The following KRT2 variants were observed in gnomAD, a reference collection of about 807,000 sequenced individuals.
The protein encoded by KRT2 is keratin 2, also known as keratin, type II cytoskeletal 2 epidermal.
In KRT2, 37 loss-of-function variants were observed where a neutral mutation model predicts 48.5. The observed-to-expected ratio is 0.76, with a 90% confidence interval of 0.59 to 1.00. The LOEUF is 1.00. Ranked by LOEUF, KRT2 falls within the 50% of genes least tolerant of loss-of-function variation. The probability of loss-of-function intolerance (pLI) is 0.00; values close to 1 mark genes in which losing one functional copy is unlikely to be tolerated. For synonymous variants in KRT2, 324 were observed against 312.2 expected (o/e 1.04, Z -0.40); for missense variants, 880 against 815.2 (o/e 1.08, Z -0.97).
chr12:52,646,306 T>C (rs1941160358), intron 7 of KRT2, among the ~76,000 whole-genome samples: 1 of 152,198 alleles, frequency 6.6e-6, no homozygotes, highest in South Asian at 2.1e-4. Context: ...GAACTGGGGC[T>C]GGCACCTGCT....
Position 52,647,721 on chromosome 12 carries a change from G to T in KRT2, c.1248+9C>A. 4 of 1,613,534 alleles carry T rather than the reference G, an allele frequency of 2.5e-6. No homozygotes were observed. Among genetic ancestry groups the T allele is most frequent in the Non-Finnish European group, 3.4e-6 (4 of 1,179,792 alleles). On this transcript the variant is annotated intron_variant, in intron 6 of 8. Coordinates refer to ENST00000309680, the MANE Select transcript of KRT2 (RefSeq NM_000423.3). ...CTCCCGCCCCTCGCTGGACAGGGCT[G>T]GGCCTCACCTGCTTCTTCACATGTG... is the stretch of plus-strand genomic sequence containing the variant.
chr12:52,648,437 C>G, intron 4 of KRT2, 100 bp from the exon 5 acceptor site: 1 of 969,088 alleles, frequency 1.0e-6, no homozygotes, highest in Non-Finnish European at 1.7e-6. Flanking sequence ...GACCCTCAGA[C>G]TAAGCATACA....
intron 2 of KRT2, 104 bp downstream of exon 2, chr12:52,650,230 TCCCCA>T: frequency 2.1e-6 from 2 of 948,512 alleles, no homozygotes; most frequent in Non-Finnish European, 1.7e-6. Flanking sequence ...CATATGCCTC[TCCCCA>T]TTACCACCAC....
Position 52,645,506 on chromosome 12 carries a change from A to G in KRT2, c.1504+29T>C, listed in dbSNP as rs199816000. ...CTGCCTCCACCTGACACAACACCCC[A>G]TGGAACAGGACCACACCCCATTACT... is the stretch of plus-strand genomic sequence containing the variant. On this transcript the variant is annotated intron_variant, in intron 8 of 8. Coordinates refer to ENST00000309680, the MANE Select transcript of KRT2 (RefSeq NM_000423.3). The G allele has an allele frequency of 1.5e-5, 24 of 1,614,100 alleles. No individual in the cohort carries two copies. In the South Asian group the frequency reaches 2.2e-4, roughly 15 times the overall value.
At chr12:52,650,715 G>A (rs951903073) in intron 1 of KRT2, 162 bp from the exon 2 acceptor site, 19 of 695,978 alleles carry the variant, frequency 2.7e-5, no homozygotes, top group East Asian at 2.4e-4. Context: ...CCCTGCTTTC[G>A]CCCCTGGAAA....
intron 5 of KRT2, among the ~76,000 whole-genome samples, 156 bp downstream of exon 5, chr12:52,648,017 A>G (rs1013853336): frequency 6.6e-6 from 1 of 152,168 alleles, no homozygotes; most frequent in Non-Finnish European, 1.5e-5. Context: ...CACATGCCCA[A>G]AAGGACTTGG....
chr12:52,650,661 T>C, intron 1 of KRT2, 108 bp from the exon 2 acceptor site: 1 of 889,718 alleles, frequency 1.1e-6, no homozygotes. Context: ...TCGAGAAGTG[T>C]CTGAGGCTGG....
intron 7 of KRT2, 134 bp from the exon 8 acceptor site, chr12:52,645,703 C>T: frequency 2.4e-6 from 2 of 824,158 alleles, no homozygotes; most frequent in South Asian, 2.8e-5. Flanking sequence ...ACCCCACTTT[C>T]TTCTATGCTG....
In KRT2 at chr12:52,645,407, T is replaced by A. The variant is rs968634391; in HGVS notation, c.1532A>T (p.Asn511Ile). The change falls in exon 9 of 9, where the codon AAT (asparagine) becomes ATT (isoleucine). Residue 511 changes from asparagine to isoleucine, a missense_variant. Asn to Ile is a moderately radical substitution (Grantham distance 149). Coordinates refer to ENST00000309680, the MANE Select transcript of KRT2 (RefSeq NM_000423.3). ...TCCAAAGGCAGCCTTGGATGCCACA[T>A]TTGATGAAATGGTGCTGCTTGTCAC... is the stretch of plus-strand genomic sequence containing the variant. ...VSVTSSTISS[N>I]VASKAAFGGS... 3 of 1,614,196 alleles carry A rather than the reference T, an allele frequency of 1.9e-6. No individual in the cohort carries two copies. The highest frequency in any genetic ancestry group is 2.2e-5 in the South Asian group (2 of 91,090).
At chr12:52,651,063 C>G (rs1677524395) in intron 1 of KRT2, among the ~76,000 whole-genome samples, 1 of 152,214 alleles carries the variant, frequency 6.6e-6, no homozygotes, top group African/African-American at 2.4e-5. Flanking sequence ...GCCAGTAACA[C>G]TCCGAAGTGA....
chr12:52,645,891 G>A (rs999608859), intron 7 of KRT2, among the ~76,000 whole-genome samples: 2 of 152,220 alleles, frequency 1.3e-5, no homozygotes, highest in African/African-American at 4.8e-5. Flanking sequence ...ATCTTGGAGA[G>A]TCTGTTATTC....
chr12:52,648,218 G>A lies in KRT2; in HGVS notation c.1077C>T (p.Ile359=), dbSNP rs138032518. 5.4e-5 allele frequency: 87 copies of A among 1,614,148 alleles called. 2 individuals are homozygous for A. The highest frequency in any genetic ancestry group is 1.1e-4 in the African/African-American group (8 of 75,030). The change falls in exon 5 of 9, where the codon ATC becomes ATT. Residue 359 remains isoleucine, a synonymous_variant. Coordinates refer to ENST00000309680, the MANE Select transcript of KRT2 (RefSeq NM_000423.3). ...IAEVKAQYEE[I]AQRSKEEAEA... ...CCGCTTCTTCCTTGCTCCTCTGGGC[G>A]ATCTCCTCATACTGGGCCTTGACCT...
In KRT2 at chr12:52,647,817, G is replaced by C. The variant is rs1488029437; in HGVS notation, c.1161C>G (p.Asp387Glu). 4.3e-6 allele frequency: 7 copies of C among 1,614,104 alleles called. No individual in the cohort carries two copies. The highest frequency in any genetic ancestry group is 3.4e-6 in the Non-Finnish European group (4 of 1,179,980). Residue 387 changes from aspartate to glutamate, a missense_variant, in exon 6 of 9, where the codon GAC becomes GAG. Asp to Glu is a conservative substitution (Grantham distance 45). Transcript: ENST00000309680. Reference sequence around the variant, plus strand: ...TCTCTATCTTGATCTCTTTCAGGCTGTCTCCATGTCTCCCGACAGTCACCT... The same window carrying C: ...TCTCTATCTTGATCTCTTTCAGGCTCTCTCCATGTCTCCCGACAGTCACCT... ...ELQVTVGRHG[D>E]SLKEIKIEIS...
In KRT2 at chr12:52,649,059, T is replaced by C; in HGVS notation, c.905A>G (p.Lys302Arg). Residue 302 changes from lysine to arginine, a missense_variant, in exon 4 of 9, where the codon AAG becomes AGG. Physicochemically the swap from Lys to Arg is conservative, Grantham distance 26 (BLOSUM62 2). Coordinates refer to ENST00000309680, the MANE Select transcript of KRT2 (RefSeq NM_000423.3). Reference sequence around the variant, plus strand: ...AATTTCCTGGTTCAGCAGGTCCACCTTGGACTGCAACTCCACCTTTATCAT... The same window carrying C: ...AATTTCCTGGTTCAGCAGGTCCACCCTGGACTGCAACTCCACCTTTATCAT... ...AYMIKVELQS[K>R]VDLLNQEIEF... 2 of 1,613,586 alleles carry C rather than the reference T, an allele frequency of 1.2e-6. No homozygotes were observed. The highest frequency in any genetic ancestry group is 1.3e-5 in the African/African-American group (1 of 75,020).
chr12:52,651,975 G>C lies in KRT2; in HGVS notation c.168C>G (p.Gly56=), dbSNP rs637247. The C allele has an allele frequency of 6.2e-7, 1 of 1,613,252 alleles. No homozygotes were observed. The highest frequency in any genetic ancestry group is 1.3e-5 in the African/African-American group (1 of 74,874). ...HGGGGGGFGG[G]GFGSRSLVGL... ...CAACAAGACTCCGACTGCCAAAGCC[G>C]CCTCCACCGAAGCCCCCGCCACCAC... Residue 56 remains glycine (G), a synonymous_variant, in exon 1 of 9, where the codon GGC becomes GGG. Coordinates refer to ENST00000309680, the MANE Select transcript of KRT2 (RefSeq NM_000423.3).
rs773560400 is a variant in KRT2 at position 52,650,387 on chromosome 12, T to G, written c.752A>C (p.Asn251Thr). 2 of 1,614,256 alleles carry G rather than the reference T, an allele frequency of 1.2e-6. No homozygotes were observed. The highest frequency in any genetic ancestry group is 8.5e-7 in the Non-Finnish European group (1 of 1,180,044). The change falls in exon 2 of 9, where the codon AAT becomes ACT. Residue 251 changes from asparagine to threonine, a missense_variant. Physicochemically the swap from Asn to Thr is moderately conservative, Grantham distance 65. Transcript: ENST00000309680. ...ATCCTGCATGTTATTCAGCTCTGAA[T>G]TCTGTGATGTTCTTTCTGCAGTGAG... ...DGLTAERTSQ[N>T]SELNNMQDLV... is the part of the protein sequence containing the mutation.
chr12:52,646,496 G>A (rs924768534), intron 7 of KRT2, among the ~76,000 whole-genome samples: 6 of 152,220 alleles, frequency 3.9e-5, no homozygotes, highest in African/African-American at 1.4e-4. Context: ...AGACCAGGAT[G>A]TTTAACTTAC....
rs1031937992 is a variant in KRT2, at chr12:52,647,108, C to T, written c.1249-148G>A. 8.1e-6 allele frequency: 6 copies of T among 740,310 alleles called. No homozygotes were observed. In the African/African-American group the frequency reaches 1.0e-4, roughly 13 times the overall value. 45.9% of individuals were successfully genotyped at this position (740,310 alleles called of 1,614,324 possible). A position where few individuals can be genotyped will look rare whatever the true frequency, so the allele number is the denominator to read the frequency against. ...TCGCAAACAACTGTGCTAAGACTTG[C>T]CGCTGTCTCTGGCACATCTTCTTCC... On this transcript the variant is annotated intron_variant, in intron 6 of 8. Transcript: ENST00000309680.
chr12:52,650,406 C>T lies in KRT2; in HGVS notation c.733G>A (p.Ala245Thr). 6.2e-7 allele frequency: 1 copy of T among 1,614,240 alleles called. No individual in the cohort carries two copies. The change falls in exon 2 of 9, where the codon GCA becomes ACA. Residue 245 changes from alanine to threonine, a missense_variant. Transcript: ENST00000309680. ...SLKRYLDGLT[A>T]ERTSQNSELN... Reference sequence around the variant, plus strand: ...TCTGAATTCTGTGATGTTCTTTCTGCAGTGAGCCCATCCAGATATCTCTTG... The same window carrying T: ...TCTGAATTCTGTGATGTTCTTTCTGTAGTGAGCCCATCCAGATATCTCTTG...
Sources: gnomAD v4.1 joint callset for allele counts (sites outside exome capture counted in the v4.1 genomes callset) on GRCh38, gnomAD v4.1.1 for gene constraint, MANE v1.5 for transcripts, NCBI Gene and HGNC (gene_info 2026-07-23, HGNC 2026-07-21) for gene names.